Variants in ANO10 observed in about 807,000 individuals in gnomAD.
ANO10 encodes the protein anoctamin 10.
A neutral mutation model predicts 74.7 loss-of-function variants in ANO10; 77 were observed. The ratio of observed to expected loss-of-function variants is 1.03; its 90% CI spans 0.86 to 1.25. ANO10 has a LOEUF of 1.25. ANO10 is among the 50% of genes most tolerant of loss of function. ANO10 has a pLI of 0.00. For missense variants in ANO10, 721 were observed against 778.1 expected (o/e 0.93, Z 0.87); for synonymous variants, 279 against 284.9 (o/e 0.98, Z 0.21).
chr3:43,636,087 C>T (rs1160937432), intron 1 of ANO10, among the ~76,000 whole-genome samples: 3 of 151,768 alleles, frequency 2.0e-5, no homozygotes, highest in Non-Finnish European at 4.4e-5. Flanking sequence ...GGAAGCAGAC[C>T]CTGAAACAAA....
chr3:43,661,267 A>G (rs1400589224), intron 1 of ANO10, among the ~76,000 whole-genome samples: 1 of 152,240 alleles, frequency 6.6e-6, no homozygotes, highest in Non-Finnish European at 1.5e-5. Context: ...TCTTAAAGAA[A>G]AGAATTTTCA....
intron 11 of ANO10, among the ~76,000 whole-genome samples, chr3:43,502,023 G>T (rs1195969151): frequency 6.6e-6 from 1 of 152,172 alleles, no homozygotes; most frequent in African/African-American, 2.4e-5. Flanking sequence ...GTGTTGGTGA[G>T]AATACGGAGA....
At chr3:43,368,800 A>G (rs1487022590) in intron 12 of ANO10, among the ~76,000 whole-genome samples, 1 of 152,016 alleles carries the variant, frequency 6.6e-6, no homozygotes, top group Non-Finnish European at 1.5e-5. Context: ...TCCTGCCTCA[A>G]TTTCCCAAGT....
chr3:43,580,779 T>A (rs943007599), intron 4 of ANO10, among the ~76,000 whole-genome samples: 1 of 152,118 alleles, frequency 6.6e-6, no homozygotes, highest in Non-Finnish European at 1.5e-5. Flanking sequence ...AGCAATATAG[T>A]GTATAACCAG....
intron 1 of ANO10, among the ~76,000 whole-genome samples, chr3:43,641,793 C>A (rs1413513008): frequency 6.6e-6 from 1 of 152,138 alleles, no homozygotes; most frequent in Non-Finnish European, 1.5e-5. Flanking sequence ...AGTTTTGTTT[C>A]ATCTTCAGAA....
intron 1 of ANO10, among the ~76,000 whole-genome samples, chr3:43,653,653 C>T (rs2083813560): frequency 6.6e-6 from 1 of 152,090 alleles, no homozygotes; most frequent in Admixed American, 6.5e-5. Flanking sequence ...AAGTTAGAAA[C>T]AACCTAAGTC....
intron 11 of ANO10, among the ~76,000 whole-genome samples, chr3:43,505,642 T>C (rs2077267120): frequency 1.3e-5 from 2 of 152,176 alleles, no homozygotes; most frequent in Non-Finnish European, 2.9e-5. Flanking sequence ...ACCAAAACAC[T>C]GTCATTTTGT....
At chr3:43,630,208 C>G (rs1295270847) in intron 1 of ANO10, among the ~76,000 whole-genome samples, 1 of 152,122 alleles carries the variant, frequency 6.6e-6, no homozygotes, top group Non-Finnish European at 1.5e-5. Context: ...CTAGGATGAA[C>G]ATATTTGTCC....
At chr3:43,567,944 A>C (rs2080462474) in intron 7 of ANO10, among the ~76,000 whole-genome samples, 1 of 152,184 alleles carries the variant, frequency 6.6e-6, no homozygotes. Flanking sequence ...AACCCATCTC[A>C]CGTGCAGAGA....
chr3:43,404,572 T>G (rs2092541092), intron 12 of ANO10, among the ~76,000 whole-genome samples: 1 of 152,072 alleles, frequency 6.6e-6, no homozygotes, highest in Non-Finnish European at 1.5e-5. Flanking sequence ...TGGTAATTTG[T>G]TACAGAGCAA....
chr3:43,529,715 T>C (rs758077567), intron 11 of ANO10, among the ~76,000 whole-genome samples: 5 of 152,060 alleles, frequency 3.3e-5, no homozygotes, highest in Non-Finnish European at 5.9e-5. Context: ...AGATAATACA[T>C]AATAAAGGAT....
chr3:43,598,823 TTAGA>T (rs1240310068), intron 3 of ANO10, among the ~76,000 whole-genome samples, 157 bp from the exon 4 acceptor site: 3 of 152,230 alleles, frequency 2.0e-5, no homozygotes, highest in African/African-American at 7.2e-5. Flanking sequence ...ATAAAGCTCC[TTAGA>T]TATTTTATAA....
chr3:43,556,022 A>G (rs1439857209), intron 9 of ANO10, among the ~76,000 whole-genome samples: 1 of 152,226 alleles, frequency 6.6e-6, no homozygotes, highest in East Asian at 1.9e-4. Context: ...GGCAGGTTAC[A>G]TGCTCAACTT....
Position 43,549,750 on chromosome 3 carries a change from T to G in ANO10, c.1767A>C (p.Ala589=). 4 of 1,614,086 alleles carry G rather than the reference T, an allele frequency of 2.5e-6. No individual in the cohort carries two copies. Among genetic ancestry groups the G allele is most frequent in the Non-Finnish European group, 3.4e-6 (4 of 1,179,946 alleles). Residue 589 remains alanine, a synonymous_variant, in exon 11 of 13, where the codon GCA becomes GCC. Coordinates refer to ENST00000292246, the MANE Select transcript of ANO10 (RefSeq NM_018075.5). ...QVNAVFPESK[A]DLILIVVAVE... ...CTGCTACTACAATCAAAATGAGGTC[T>G]GCTTTTGATTCTGGAAAGACTGCAT...
intron 12 of ANO10, among the ~76,000 whole-genome samples, chr3:43,403,604 T>C (rs942349185): frequency 6.6e-6 from 1 of 152,224 alleles, no homozygotes. Flanking sequence ...AGGATAACCC[T>C]GTGCCCCAGA....
chr3:43,399,609 T>C (rs1421423150), intron 12 of ANO10, among the ~76,000 whole-genome samples: 3 of 152,206 alleles, frequency 2.0e-5, no homozygotes, highest in Non-Finnish European at 2.9e-5. Context: ...AGGTTTGCTC[T>C]GTCTTTGTCC....
At chr3:43,394,983 CTA>C (rs1318402357) in intron 12 of ANO10, among the ~76,000 whole-genome samples, 1 of 152,042 alleles carries the variant, frequency 6.6e-6, no homozygotes, top group African/African-American at 2.4e-5. Flanking sequence ...TTTTAGGAAA[CTA>C]TGATTTTGCT....
intron 12 of ANO10, among the ~76,000 whole-genome samples, chr3:43,386,648 C>CGTGTGTGTGTGTGT (rs36065814): frequency 3.8e-4 from 53 of 139,994 alleles, no homozygotes; most frequent in Admixed American, 7.2e-4. Context: ...TAGGTGTGTA[C>CGTGTGTGTGTGTGT]GTGTGTGTGT....
intron 1 of ANO10, among the ~76,000 whole-genome samples, chr3:43,674,736 C>G (rs1369926458): frequency 6.6e-6 from 1 of 152,136 alleles, no homozygotes; most frequent in Admixed American, 6.5e-5. Flanking sequence ...ATAGGTTTGA[C>G]AGACTCAGCC....
Sources: gnomAD v4.1 joint callset for allele counts (sites outside exome capture counted in the v4.1 genomes callset) on GRCh38, gnomAD v4.1.1 for gene constraint, MANE v1.5 for transcripts, NCBI Gene and HGNC (gene_info 2026-07-23, HGNC 2026-07-21) for gene names.